The following PCDHA5 variants were observed in gnomAD, a reference collection of about 807,000 sequenced individuals.
PCDHA5 encodes the protein protocadherin alpha-5.
PCDHA5 carries 43 observed loss-of-function variants against 61.6 expected under a neutral mutation model. That is an observed-to-expected ratio of 0.70 (90% CI 0.55 to 0.90). The LOEUF (loss-of-function observed/expected upper bound fraction) is 0.90. PCDHA5 is among the 40% of genes least tolerant of loss of function. The pLI, the probability that PCDHA5 is intolerant of heterozygous loss-of-function variation, is 0.00. For synonymous variants in PCDHA5, 627 were observed against 543.9 expected, an observed-to-expected ratio of 1.15 and a Z score of -2.13; for missense variants, 1,298 against 1,222.7, an observed-to-expected ratio of 1.06 and a Z score of -0.92.
At chr5:140,992,095 G>T (rs1554252652) in intron 3 of PCDHA5, among the ~76,000 whole-genome samples, 1 of 151,540 alleles carries the variant, frequency 6.6e-6, no homozygotes, top group East Asian at 1.9e-4. Context: ...TAGAGAAAGA[G>T]AATTAAGGTG....
chr5:140,829,877 G>T lies in PCDHA5; in HGVS notation c.2352+5750G>T, dbSNP rs2150176821. The T allele has an allele frequency of 1.5e-5, 25 of 1,613,956 alleles. No individual in the cohort carries two copies. In the South Asian group the frequency reaches 2.5e-4, roughly 16 times the overall value. ...AGGCCAAGTGGTGGCGAAGGTGCGC[G>T]CAGTTGACGCCGACTCAGGCTACAA... On this transcript the variant is annotated intron_variant, in intron 1 of 3. Transcript: ENST00000529859.
At chr5:140,849,958 C>T in intron 1 of PCDHA5, 1 of 1,597,890 alleles carries the variant, frequency 6.3e-7, no homozygotes, top group South Asian at 1.1e-5. Context: ...CAGGAGAACG[C>T]CCTGGTGTCC....
chr5:140,993,462 T>TCACACACACACA (rs3836747), intron 3 of PCDHA5, among the ~76,000 whole-genome samples: 55 of 141,044 alleles, frequency 3.9e-4, no homozygotes, highest in Non-Finnish European at 5.3e-4. Context: ...TCTTTCTTTC[T>TCACACACACACA]CACACACACA....
intron 1 of PCDHA5, among the ~76,000 whole-genome samples, chr5:140,881,751 A>C (rs974973794): frequency 2.0e-5 from 3 of 152,206 alleles, no homozygotes; most frequent in African/African-American, 7.2e-5. Context: ...GGACAGTACC[A>C]CAAAAACCTA....
At position 140,835,620 on chromosome 5, in the gene PCDHA5, C is replaced by G; in HGVS notation, c.2352+11493C>G. 3.7e-6 allele frequency: 6 copies of G among 1,613,942 alleles called. No homozygotes were observed. The South Asian group carries it at 5.5e-5, about 15-fold the overall frequency. On this transcript the variant is annotated intron_variant, in intron 1 of 3. Transcript: ENST00000529859. Reference sequence around the variant, plus strand: ...CTATTCATTGGTGCTGGACAGCGCTCTGGACCGCGAGAGTGTGTCCGCCTA... The same window carrying G: ...CTATTCATTGGTGCTGGACAGCGCTGTGGACCGCGAGAGTGTGTCCGCCTA...
intron 1 of PCDHA5, chr5:140,882,360 T>A: frequency 6.2e-7 from 1 of 1,614,134 alleles, no homozygotes. Context: ...AGTGGCCAGC[T>A]CCACTACTCC....
chr5:141,009,874 G>A lies in PCDHA5; in HGVS notation c.2748G>A (p.Lys916=), dbSNP rs1554262519. The A allele has an allele frequency of 6.2e-7, 1 of 1,613,836 alleles. No individual in the cohort carries two copies. Among genetic ancestry groups the A allele is most frequent in the African/African-American group, 1.3e-5 (1 of 74,824 alleles). ...CCAAGAAAAAGAAGAAAAAGAAGAA[G>A]GGTAACAAGACCCAGGAGAAAAAAG... ...EETKKKKKKK[K]GNKTQEKKEK... is the part of the protein sequence containing the mutation. Residue 916 remains lysine, a synonymous_variant, in exon 4 of 4, where the codon AAG becomes AAA. Transcript: ENST00000529859.
At chr5:140,908,692 C>G (rs2074096551) in intron 1 of PCDHA5, among the ~76,000 whole-genome samples, 1 of 152,208 alleles carries the variant, frequency 6.6e-6, no homozygotes, top group South Asian at 2.1e-4. Context: ...CTGCCACTGA[C>G]ACCTCAAGCA....
rs146333783 is a variant in PCDHA5 at position 140,850,797 on chromosome 5, G to T, written c.2352+26670G>T. On this transcript the variant is annotated intron_variant, in intron 1 of 3. Transcript: ENST00000529859. ...CTCTGGCGAGGGTAAGCAGAAGACC[G>T]ACCTCATGGCCTTCAGCCCGGGCCT... 279 of 1,598,230 alleles carry T rather than the reference G, an allele frequency of 1.7e-4. 20 individuals carry two copies. The highest frequency in any genetic ancestry group is 2.3e-4 in the Non-Finnish European group (264 of 1,167,772).
At chr5:141,004,080 A>G (rs1554259443) in intron 3 of PCDHA5, among the ~76,000 whole-genome samples, 1 of 152,198 alleles carries the variant, frequency 6.6e-6, no homozygotes, top group Non-Finnish European at 1.5e-5. Context: ...TAGGGGTAGA[A>G]ATGTGCTTCT....
intron 1 of PCDHA5, among the ~76,000 whole-genome samples, chr5:140,911,641 C>A (rs1403591383): frequency 6.6e-6 from 1 of 152,174 alleles, no homozygotes; most frequent in East Asian, 1.9e-4. Flanking sequence ...AAAGGTATTA[C>A]ATATAGAGTT....
At chr5:140,980,397 C>T (rs888776890) in intron 2 of PCDHA5, among the ~76,000 whole-genome samples, 3 of 152,100 alleles carry the variant, frequency 2.0e-5, no homozygotes, top group South Asian at 2.1e-4. Context: ...TTTGGGAGGC[C>T]GAGGTGGGCA....
chr5:140,849,692 C>T, intron 1 of PCDHA5: 2 of 1,598,700 alleles, frequency 1.3e-6, no homozygotes, highest in Non-Finnish European at 1.7e-6. Context: ...AGCTGGTGTC[C>T]ACCTACAAGA....
intron 3 of PCDHA5, among the ~76,000 whole-genome samples, chr5:140,988,231 A>G (rs2097289009): frequency 6.6e-6 from 1 of 152,150 alleles, no homozygotes. Context: ...TCAGGGATCT[A>G]TGTGAGTGGG....
In PCDHA5 at chr5:141,010,661, C is replaced by T. The variant is rs1331706826; in HGVS notation, c.*724C>T. ...AACAGTTCAGTGTTTTAACAGAGAA[C>T]CACCCTGGGAAACAGAAGCAGATCT... On this transcript the variant is annotated 3_prime_UTR_variant, in exon 4 of 4. Transcript: ENST00000529859. 6.0e-6 allele frequency: 1 copy of T among 166,290 alleles called. No homozygotes were observed. Among genetic ancestry groups the T allele is most frequent in the Non-Finnish European group, 1.3e-5 (1 of 76,066 alleles). 10.3% of individuals were successfully genotyped at this position (166,290 alleles called of 1,614,324 possible).
At chr5:141,000,415 ATATATATTTTTT>A (rs1251582263) in intron 3 of PCDHA5, among the ~76,000 whole-genome samples, 1 of 87,388 alleles carries the variant, frequency 1.1e-5, no homozygotes, top group East Asian at 3.4e-4. Context: ...ATATATATAT[ATATATATTTTTT>A]TTTTTTTTTT....
At chr5:140,856,766 A>G in intron 1 of PCDHA5, 1 of 1,596,904 alleles carries the variant, frequency 6.3e-7, no homozygotes, top group South Asian at 1.1e-5. Flanking sequence ...TAACGCCCCT[A>G]TCTTTGACAG....
chr5:140,986,173 C>G (rs1459755039), intron 3 of PCDHA5, among the ~76,000 whole-genome samples: 1 of 152,202 alleles, frequency 6.6e-6, no homozygotes, highest in Non-Finnish European at 1.5e-5. Flanking sequence ...GCAGGATAAA[C>G]AAGTCAGGCA....
chr5:140,889,034 T>A (rs1554183750), intron 1 of PCDHA5, among the ~76,000 whole-genome samples: 4 of 152,080 alleles, frequency 2.6e-5, no homozygotes, highest in Non-Finnish European at 5.9e-5. Flanking sequence ...TAACCGTAAT[T>A]TGATTATAAT....
Sources: allele counts gnomAD v4.1 joint callset (sites outside exome capture counted in the v4.1 genomes callset), GRCh38; gene constraint gnomAD v4.1.1; transcripts MANE v1.5; gene names NCBI Gene and HGNC (gene_info 2026-07-23, HGNC 2026-07-21).